The following VPS13A variants were observed in gnomAD, a reference collection of about 807,000 sequenced individuals.
VPS13A encodes the protein intermembrane lipid transfer protein VPS13A.
In VPS13A, 264 loss-of-function variants were observed where a neutral mutation model predicts 390.9. The observed-to-expected ratio is 0.68, with a 90% CI of 0.61 to 0.75. The LOEUF is 0.75. Ranked by LOEUF, VPS13A falls within the 30% of genes least tolerant of loss-of-function variation. VPS13A has a pLI of 0.00. For missense variants in VPS13A, 3,409 were observed against 3,733.9 expected (o/e 0.91, Z 2.27); for synonymous variants, 1,231 against 1,227.1 (o/e 1.00, Z -0.07).
At chr9:77,397,786 C>T (rs1834178312) in intron 68 of VPS13A, among the ~76,000 whole-genome samples, 1 of 152,132 alleles carries the variant, frequency 6.6e-6, no homozygotes, top group African/African-American at 2.4e-5. Flanking sequence ...TTAATTATTA[C>T]CTATAGATTC....
intron 69 of VPS13A, among the ~76,000 whole-genome samples, chr9:77,404,898 A>AAAAG (rs1834528085): frequency 6.6e-6 from 1 of 152,144 alleles, no homozygotes; most frequent in African/African-American, 2.4e-5. Flanking sequence ...CAGGACTGGT[A>AAAAG]AAAGAGGGGA....
At chr9:77,311,327 A>T (rs932459611) in intron 35 of VPS13A, among the ~76,000 whole-genome samples, 1 of 152,162 alleles carries the variant, frequency 6.6e-6, no homozygotes, top group Non-Finnish European at 1.5e-5. Context: ...CAAATCCCAG[A>T]TACTATACCA....
chr9:77,375,575 A>G (rs1287505313), intron 67 of VPS13A, among the ~76,000 whole-genome samples: 1 of 152,186 alleles, frequency 6.6e-6, no homozygotes, highest in Non-Finnish European at 1.5e-5. Flanking sequence ...GATAGTAACA[A>G]TTTCAAACTT....
chr9:77,342,047 C>T (rs1011543482), intron 50 of VPS13A, among the ~76,000 whole-genome samples: 1 of 151,940 alleles, frequency 6.6e-6, no homozygotes, highest in Non-Finnish European at 1.5e-5. Flanking sequence ...CAGGGGTGGT[C>T]TCTAATTTTA....
At chr9:77,284,392 T>G (rs974244676) in intron 31 of VPS13A, among the ~76,000 whole-genome samples, 3 of 152,216 alleles carry the variant, frequency 2.0e-5, no homozygotes, top group African/African-American at 7.2e-5. Context: ...ATTTTTATGT[T>G]TAAAAAATTC....
At chr9:77,308,354 A>G (rs960169606) in intron 35 of VPS13A, among the ~76,000 whole-genome samples, 4 of 152,114 alleles carry the variant, frequency 2.6e-5, no homozygotes, top group African/African-American at 9.7e-5. Context: ...TCTTTGAATG[A>G]AAGTTCCTAG....
At chr9:77,255,479 A>G (rs185049737) in intron 22 of VPS13A, among the ~76,000 whole-genome samples, 3 of 152,208 alleles carry the variant, frequency 2.0e-5, no homozygotes, top group Admixed American at 2.0e-4. Context: ...TTTTGCATTA[A>G]TATTTTTCAG....
At chr9:77,241,258 T>G (rs966310979) in intron 19 of VPS13A, among the ~76,000 whole-genome samples, 12 of 152,176 alleles carry the variant, frequency 7.9e-5, no homozygotes, top group African/African-American at 2.7e-4. Context: ...TCTTCTAATT[T>G]ATCTTCTCAT....
chr9:77,358,269 T>G, intron 56 of VPS13A, 88 bp from the exon 57 acceptor site: 1 of 1,230,290 alleles, frequency 8.1e-7, no homozygotes, highest in Non-Finnish European at 1.2e-6. Context: ...GCTAGACTTT[T>G]TGATTCTTTT....
At chr9:77,250,578 A>G (rs570241133) in intron 21 of VPS13A, among the ~76,000 whole-genome samples, 53 of 152,306 alleles carry the variant, frequency 3.5e-4, no homozygotes, top group Non-Finnish European at 5.9e-4. Context: ...ATCTGTACCA[A>G]TGTTTTCCAG....
chr9:77,212,426 G>A (rs1826021844), intron 7 of VPS13A, among the ~76,000 whole-genome samples: 1 of 151,940 alleles, frequency 6.6e-6, no homozygotes, highest in South Asian at 2.1e-4. Flanking sequence ...TTATATATTA[G>A]GTTATATATA....
chr9:77,368,179 C>T, intron 62 of VPS13A, 43 bp downstream of exon 62: 1 of 1,497,826 alleles, frequency 6.7e-7, no homozygotes, highest in Non-Finnish European at 9.2e-7. Flanking sequence ...GTGATACAGA[C>T]TGGTAAAACC....
At chr9:77,374,368 T>C (rs1832959618) in intron 67 of VPS13A, among the ~76,000 whole-genome samples, 1 of 152,188 alleles carries the variant, frequency 6.6e-6, no homozygotes, top group Non-Finnish European at 1.5e-5. Context: ...TAAACGTTAC[T>C]TGAACACAAG....
intron 22 of VPS13A, among the ~76,000 whole-genome samples, chr9:77,256,012 T>C (rs1825420477): frequency 6.6e-6 from 1 of 152,048 alleles, no homozygotes; most frequent in African/African-American, 2.4e-5. Flanking sequence ...TCATCTTTGT[T>C]ATTTTTTTTA....
At chr9:77,406,606 G>C (rs1338112051) in intron 70 of VPS13A, among the ~76,000 whole-genome samples, 2 of 151,786 alleles carry the variant, frequency 1.3e-5, no homozygotes, top group African/African-American at 4.8e-5. Flanking sequence ...TAGTACAGAC[G>C]GTGTTTCACC....
intron 1 of VPS13A, 52 bp from the exon 2 acceptor site, chr9:77,199,885 ATTAACTTT>A: frequency 7.0e-7 from 1 of 1,432,562 alleles, no homozygotes; most frequent in Non-Finnish European, 9.7e-7. Flanking sequence ...AAGCATACAT[ATTAACTTT>A]TTAAAATGAA....
At chr9:77,262,227 T>C (rs1455912946) in intron 23 of VPS13A, among the ~76,000 whole-genome samples, 1 of 152,106 alleles carries the variant, frequency 6.6e-6, no homozygotes, top group Non-Finnish European at 1.5e-5. Flanking sequence ...GTTTTATTTT[T>C]TACATAGTCA....
intron 52 of VPS13A, among the ~76,000 whole-genome samples, chr9:77,346,403 A>T (rs1831154221): frequency 6.6e-6 from 1 of 151,974 alleles, no homozygotes; most frequent in Non-Finnish European, 1.5e-5. Context: ...TTTGTTTGAG[A>T]TCCTTACAGA....
chr9:77,351,233 A>G, intron 52 of VPS13A, 84 bp from the exon 53 acceptor site: 1 of 1,541,988 alleles, frequency 6.5e-7, no homozygotes, highest in Non-Finnish European at 8.9e-7. Flanking sequence ...TGAACTAAGA[A>G]TTAATGAAGT....
Sources: gnomAD v4.1 joint callset for allele counts (sites outside exome capture counted in the v4.1 genomes callset) on GRCh38, gnomAD v4.1.1 for gene constraint, MANE v1.5 for transcripts, NCBI Gene and HGNC (gene_info 2026-07-23, HGNC 2026-07-21) for gene names.